ANO3: variants seen among roughly 807,000 people sequenced by gnomAD.
ANO3 encodes the protein anoctamin 3, also known as anoctamin-3.
In ANO3, 99 loss-of-function variants were observed where a neutral mutation model predicts 144.8. That is an observed-to-expected ratio of 0.68 (90% CI 0.58 to 0.81). The LOEUF is 0.81. Ranked by LOEUF, ANO3 falls within the 30% of genes least tolerant of loss-of-function variation. The pLI is 0.00. For synonymous variants in ANO3, 414 were observed against 392.6 expected (o/e 1.05, Z -0.64); for missense variants, 905 against 1,202.2 (o/e 0.75, Z 3.66).
intron 23 of ANO3, among the ~76,000 whole-genome samples, chr11:26,646,290 T>G (rs1233991743): frequency 6.6e-6 from 1 of 152,150 alleles, no homozygotes; most frequent in African/African-American, 2.4e-5. Context: ...ACCATTTACT[T>G]ATTTCCCACT....
intron 1 of ANO3, among the ~76,000 whole-genome samples, chr11:26,259,097 T>C (rs1853123425): frequency 6.6e-6 from 1 of 152,192 alleles, no homozygotes; most frequent in Non-Finnish European, 1.5e-5. Context: ...TGTTTTATAT[T>C]CCTCTGGCCA....
At chr11:26,520,057 A>C (rs1862010350) in intron 6 of ANO3, among the ~76,000 whole-genome samples, 1 of 152,084 alleles carries the variant, frequency 6.6e-6, no homozygotes. Flanking sequence ...ACTTCAAGGA[A>C]CTCTTAGTGA....
intron 14 of ANO3, among the ~76,000 whole-genome samples, chr11:26,569,250 G>A (rs542661511): frequency 2.0e-5 from 3 of 152,222 alleles, no homozygotes; most frequent in South Asian, 4.1e-4. Context: ...CCAAACGTGC[G>A]AAGCACTCTG....
intron 1 of ANO3, among the ~76,000 whole-genome samples, chr11:26,280,081 CTCTT>C (rs1427532228): frequency 2.0e-5 from 3 of 152,102 alleles, no homozygotes; most frequent in African/African-American, 4.8e-5. Context: ...CAATTGTTAA[CTCTT>C]TCACAACCAT....
intron 1 of ANO3, among the ~76,000 whole-genome samples, chr11:26,251,897 A>AC (rs2133820172): frequency 6.6e-6 from 1 of 152,220 alleles, no homozygotes; most frequent in East Asian, 1.9e-4. Flanking sequence ...CACACCAAAT[A>AC]CCTTCCTCCA....
intron 12 of ANO3, among the ~76,000 whole-genome samples, chr11:26,547,806 A>G (rs1192451033): frequency 6.6e-6 from 1 of 151,970 alleles, no homozygotes; most frequent in Non-Finnish European, 1.5e-5. Flanking sequence ...TCCAGTATAT[A>G]CCATATAATT....
chr11:26,581,576 C>A (rs1219911144), intron 14 of ANO3, among the ~76,000 whole-genome samples: 6 of 150,758 alleles, frequency 4.0e-5, no homozygotes, highest in African/African-American at 1.5e-4. Context: ...GTAGTCCCAG[C>A]TATGTGGGAG....
chr11:26,257,664 A>G (rs1435140795), intron 1 of ANO3, among the ~76,000 whole-genome samples: 1 of 152,126 alleles, frequency 6.6e-6, no homozygotes, highest in East Asian at 1.9e-4. Flanking sequence ...GATCCCTCTC[A>G]TCACTGATTA....
intron 3 of ANO3, among the ~76,000 whole-genome samples, chr11:26,450,606 C>T (rs1858894671): frequency 6.6e-6 from 1 of 152,066 alleles, no homozygotes; most frequent in Non-Finnish European, 1.5e-5. Flanking sequence ...AGGTACCAAC[C>T]CTGTCACTTA....
At chr11:26,241,377 G>A (rs953243033) in intron 1 of ANO3, among the ~76,000 whole-genome samples, 1 of 152,116 alleles carries the variant, frequency 6.6e-6, no homozygotes, top group Admixed American at 6.6e-5. Context: ...AGAGGAATAG[G>A]ACCTAAAAAC....
chr11:26,644,132 G>A (rs1853262580), intron 23 of ANO3, among the ~76,000 whole-genome samples: 1 of 152,120 alleles, frequency 6.6e-6, no homozygotes, highest in East Asian at 1.9e-4. Flanking sequence ...CTATTGTGAG[G>A]ACACCCTTCC....
At chr11:26,199,012 G>A (rs1851641257) in intron 1 of ANO3, among the ~76,000 whole-genome samples, 1 of 152,158 alleles carries the variant, frequency 6.6e-6, no homozygotes, top group Non-Finnish European at 1.5e-5. Context: ...TAAGTCAAAT[G>A]TGGATAGAAA....
chr11:26,451,843 G>A (rs1858953681), intron 3 of ANO3, among the ~76,000 whole-genome samples: 1 of 152,120 alleles, frequency 6.6e-6, no homozygotes, highest in South Asian at 2.1e-4. Context: ...CCCCTAGTAG[G>A]GGCAGACTGA....
At chr11:26,317,322 G>T (rs541809650) in intron 1 of ANO3, among the ~76,000 whole-genome samples, 1 of 151,960 alleles carries the variant, frequency 6.6e-6, no homozygotes, top group Non-Finnish European at 1.5e-5. Context: ...GAGTGAGCAG[G>T]CAACCTACAG....
intron 1 of ANO3, among the ~76,000 whole-genome samples, chr11:26,415,056 ATGTG>A (rs149901742): frequency 0.035 from 5,036 of 145,548 alleles, 97 homozygotes; most frequent in East Asian, 0.098. Context: ...ATTGGTGTGT[ATGTG>A]TGTGTGTGTG....
intron 10 of ANO3, among the ~76,000 whole-genome samples, chr11:26,538,604 T>G (rs1565089889): frequency 6.6e-6 from 1 of 152,170 alleles, no homozygotes; most frequent in Non-Finnish European, 1.5e-5. Context: ...AAAGGAAGGT[T>G]TAATTTGTTC....
intron 1 of ANO3, among the ~76,000 whole-genome samples, chr11:26,275,769 T>C (rs113402385): frequency 2.6e-5 from 4 of 152,280 alleles, no homozygotes; most frequent in African/African-American, 9.6e-5. Context: ...CAAGGACTAA[T>C]ATACAGTGAG....
At chr11:26,254,619 T>C (rs1429056570) in intron 1 of ANO3, among the ~76,000 whole-genome samples, 1 of 152,198 alleles carries the variant, frequency 6.6e-6, no homozygotes, top group African/African-American at 2.4e-5. Context: ...GTTATGCTAT[T>C]TTAAACAACA....
chr11:26,564,088 G>A (rs1186073635), intron 14 of ANO3, among the ~76,000 whole-genome samples: 1 of 151,524 alleles, frequency 6.6e-6, no homozygotes, highest in Non-Finnish European at 1.5e-5. Flanking sequence ...CAGTAAACTT[G>A]TTACTAAAAG....
Sources: gnomAD v4.1 joint callset for allele counts (sites outside exome capture counted in the v4.1 genomes callset) on GRCh38, gnomAD v4.1.1 for gene constraint, MANE v1.5 for transcripts, NCBI Gene and HGNC (gene_info 2026-07-23, HGNC 2026-07-21) for gene names.